PLEKHG6: variants seen among roughly 807,000 people sequenced by gnomAD.
The protein encoded by PLEKHG6 is pleckstrin homology domain-containing family G member 6.
Under a neutral mutation model 97.5 loss-of-function variants are expected in PLEKHG6, and 91 were observed. The observed-to-expected ratio is 0.93, with a 90% CI of 0.79 to 1.11. The LOEUF (loss-of-function observed/expected upper bound fraction) is 1.11. Ranked by LOEUF, PLEKHG6 falls within the 50% of genes most tolerant of loss-of-function variation. PLEKHG6 has a pLI of 0.00. For missense variants in PLEKHG6, 1,044 were observed against 1,031.0 expected, an observed-to-expected ratio of 1.01 and a Z score of -0.17; for synonymous variants, 466 against 425.5, an observed-to-expected ratio of 1.10 and a Z score of -1.17.
Position 6,316,445 on chromosome 12 carries a change from C to T in PLEKHG6, c.756+41C>T, listed in dbSNP as rs774532630. 7.2e-6 allele frequency: 11 copies of T among 1,522,212 alleles called. No homozygotes were observed. The highest frequency in any genetic ancestry group is 1.4e-5 in the African/African-American group (1 of 72,604). 94.3% of individuals were successfully genotyped at this position (1,522,212 alleles called of 1,614,324 possible). On this transcript the variant is annotated intron_variant, in intron 7 of 15. Transcript: ENST00000684764. The surrounding 1 kb of genome is among the most constrained non-coding windows in gnomAD (Gnocchi z 4.1). Reference sequence around the variant, plus strand: ...GGCTGTGTCTGGATGGGGCAGGACTCGGAGCCCTCGGGGGTCCTGTGTGTA... The same window carrying T: ...GGCTGTGTCTGGATGGGGCAGGACTTGGAGCCCTCGGGGGTCCTGTGTGTA...
At chr12:6,328,082 G>C in intron 15 of PLEKHG6, 54 bp from the exon 16 acceptor site, 1 of 1,612,420 alleles carries the variant, frequency 6.2e-7, no homozygotes, top group South Asian at 1.1e-5. Context: ...CTCTTCACCT[G>C]ACCCTCACCC....
At chr12:6,324,967 G>T (rs1301511688) in intron 13 of PLEKHG6, among the ~76,000 whole-genome samples, 2 of 152,174 alleles carry the variant, frequency 1.3e-5, no homozygotes, top group African/African-American at 4.8e-5. Flanking sequence ...TCCCTTAGTT[G>T]CTAGATCATG....
Position 6,316,307 on chromosome 12 carries a change from G to A in PLEKHG6, c.659G>A (p.Arg220Gln), listed in dbSNP as rs148443848. The A allele has an allele frequency of 2.4e-4, 378 of 1,556,716 alleles. No individual in the cohort carries two copies. The African/African-American group carries it at 4.3e-3, about 18-fold the overall frequency. Residue 220 changes from arginine (R) to glutamine (Q), a missense_variant, in exon 7 of 16, where the codon CGG (arginine) becomes CAG (glutamine). Arg to Gln is a conservative substitution (Grantham distance 43, BLOSUM62 1). Coordinates refer to ENST00000684764, the MANE Select transcript of PLEKHG6 (RefSeq NM_001384598.1). This position sits in a 1 kb window ranked among gnomAD's most constrained non-coding sequence, Gnocchi z 4.1. ...GNVPSLIRTH[R>Q]SFWDEVLGPT... is the part of the protein sequence containing the mutation. Reference sequence around the variant, plus strand: ...GTCCCCAGCCTGATTCGAACCCACCGGAGCTTTTGGGATGAGGTGCTGGGG... The same window carrying A: ...GTCCCCAGCCTGATTCGAACCCACCAGAGCTTTTGGGATGAGGTGCTGGGG...
At chr12:6,313,031 G>T in intron 2 of PLEKHG6, 1 of 1,494,494 alleles carries the variant, frequency 6.7e-7, no homozygotes, top group African/African-American at 1.4e-5. Context: ...TAGAAAGTAT[G>T]TGGGGTAATT....
Position 6,316,383 on chromosome 12 carries a change from T to A in PLEKHG6, c.735T>A (p.Gly245=). 1.3e-6 allele frequency: 2 copies of A among 1,573,998 alleles called. No individual in the cohort carries two copies. The highest frequency in any genetic ancestry group is 1.7e-6 in the Non-Finnish European group (2 of 1,159,194). ...RASGQPLDPI[G]LQSGFLTFGQ... ...CGGGCCAGCCTCTGGACCCCATTGG[T>A]CTGCAAAGTGGCTTCCTGACGGTGA... Residue 245 remains glycine (G), a synonymous_variant, in exon 7 of 16, where the codon GGT becomes GGA. Transcript: ENST00000684764. This position sits in a 1 kb window ranked among gnomAD's most constrained non-coding sequence, Gnocchi z 4.1.
At chr12:6,321,921 C>T (rs1400053969) in intron 13 of PLEKHG6, among the ~76,000 whole-genome samples, 1 of 151,684 alleles carries the variant, frequency 6.6e-6, no homozygotes, top group African/African-American at 2.4e-5. Flanking sequence ...CAGGTTCAGA[C>T]ACCGGTCCTA....
intron 11 of PLEKHG6, 106 bp from the exon 12 acceptor site, chr12:6,318,639 C>A: frequency 1.5e-6 from 2 of 1,320,952 alleles, no homozygotes; most frequent in South Asian, 1.3e-5. Context: ...TTGGGCTCTG[C>A]GTGTGTCCCT....
At chr12:6,319,518 G>A in intron 13 of PLEKHG6, 3 of 1,507,402 alleles carry the variant, frequency 2.0e-6, no homozygotes, top group Non-Finnish European at 2.6e-6. Flanking sequence ...AGGGGAGGAG[G>A]AGAGAGGCTG....
At chr12:6,319,315 G>A in intron 13 of PLEKHG6, 1 of 611,648 alleles carries the variant, frequency 1.6e-6, no homozygotes. Context: ...GGGCGTGGTG[G>A]TGTGTGCCTG....
Position 6,316,055 on chromosome 12 carries a change from G to A in PLEKHG6, c.606+136G>A. Reference sequence around the variant, plus strand: ...GATGCCTTGCCCTCCCTACTTCCCTGTTACTGGGGACTCCAAGCAGGCCAC... The same window carrying A: ...GATGCCTTGCCCTCCCTACTTCCCTATTACTGGGGACTCCAAGCAGGCCAC... On this transcript the variant is annotated intron_variant, in intron 6 of 15. Transcript: ENST00000684764. The surrounding 1 kb of genome is among the most constrained non-coding windows in gnomAD (Gnocchi z 4.1). 1.1e-6 allele frequency: 1 copy of A among 935,864 alleles called. No homozygotes were observed. The highest frequency in any genetic ancestry group is 1.6e-6 in the Non-Finnish European group (1 of 629,690). The allele number at this position is 935,864 out of a possible 1,614,324, so 58.0% of individuals were successfully genotyped here.
chr12:6,319,243 T>C (rs1947613103), intron 13 of PLEKHG6, 135 bp downstream of exon 13: 2 of 643,420 alleles, frequency 3.1e-6, no homozygotes, highest in Admixed American at 5.7e-5. Flanking sequence ...AGGTCAGGAG[T>C]TTGAGACCAG....
At position 6,317,336 on chromosome 12, in the gene PLEKHG6, T is replaced by C. The variant is rs150258605; in HGVS notation, c.790T>C (p.Cys264Arg). ...GQRFHPYVQY[C>R]LRVKQTMAYA... ...GCGGTTCCACCCCTATGTCCAGTAC[T>C]GCCTCCGAGTGAAGCAGACCATGGC... The change falls in exon 8 of 16, where the codon TGC (cysteine) becomes CGC (arginine). Residue 264 changes from cysteine to arginine, a missense_variant. Coordinates refer to ENST00000684764, the MANE Select transcript of PLEKHG6 (RefSeq NM_001384598.1). 96 of 1,613,998 alleles carry C rather than the reference T, an allele frequency of 5.9e-5. No individual in the cohort carries two copies. Among genetic ancestry groups the C allele is most frequent in the Non-Finnish European group, 7.0e-5 (83 of 1,179,992 alleles).
At chr12:6,311,431 G>C (rs1947262080) in intron 1 of PLEKHG6, among the ~76,000 whole-genome samples, 1 of 152,182 alleles carries the variant, frequency 6.6e-6, no homozygotes, top group Non-Finnish European at 1.5e-5. Context: ...GTAGGAGATG[G>C]GCAAGCCTTT....
intron 2 of PLEKHG6, chr12:6,313,262 T>A: frequency 7.3e-7 from 1 of 1,368,150 alleles, no homozygotes; most frequent in Non-Finnish European, 1.0e-6. Context: ...GAATGCTGTG[T>A]GCACCACGCC....
chr12:6,322,452 T>C (rs565513617), intron 13 of PLEKHG6, among the ~76,000 whole-genome samples: 1 of 152,346 alleles, frequency 6.6e-6, no homozygotes, highest in East Asian at 1.9e-4. Context: ...CCATCTGCCC[T>C]GTCCCCTGCT....
rs116264695 is a variant in PLEKHG6, at chr12:6,319,762, G to C, written c.1524+654G>C. ...CACTTGCTGAGTACGGCAGGCACTA[G>C]AGCTAGGTGCTAGGGAATCAGAAAA... On this transcript the variant is annotated intron_variant, in intron 13 of 15. Transcript: ENST00000684764. The C allele has an allele frequency of 4.9e-4, 613 of 1,254,034 alleles. No individual in the cohort carries two copies. The African/African-American group carries it at 8.5e-3, about 17-fold the overall frequency. The allele number at this position is 1,254,034 out of a possible 1,614,324, so 77.7% of individuals were successfully genotyped here.
chr12:6,328,066 G>A (rs191162861), intron 15 of PLEKHG6, 70 bp from the exon 16 acceptor site: 107 of 1,603,610 alleles, frequency 6.7e-5, no homozygotes, highest in Non-Finnish European at 7.5e-5. Context: ...AGGGCTCTCC[G>A]CCTCACTCTT....
chr12:6,324,330 C>T lies in PLEKHG6; in HGVS notation c.1525-2098C>T, dbSNP rs912106110. ...GCCTCCTCCAGCCTCTTCCTGGGGT[C>T]GGGCAAGGGGCAAGTTTAGCAGAGA... On this transcript the variant is annotated intron_variant, in intron 13 of 15. Coordinates refer to ENST00000684764, the MANE Select transcript of PLEKHG6 (RefSeq NM_001384598.1). Among the ~76,000 whole-genome samples the T allele has an allele frequency of 1.0e-4, 15 of 143,340 alleles. No individual in the cohort carries two copies. In the South Asian group the frequency reaches 2.7e-3, roughly 25 times the overall value. 94.0% of individuals were successfully genotyped at this position (143,340 alleles called of 152,430 possible).
At chr12:6,318,566 C>T in intron 11 of PLEKHG6, 146 bp downstream of exon 11, 4 of 1,219,290 alleles carry the variant, frequency 3.3e-6, no homozygotes, top group Non-Finnish European at 4.5e-6. Flanking sequence ...CCTGAGCCAG[C>T]CACTTTGCCT....
Sources: allele counts gnomAD v4.1 joint callset (sites outside exome capture counted in the v4.1 genomes callset), GRCh38; gene constraint gnomAD v4.1.1; non-coding constraint Gnocchi (gnomAD v3.1); transcripts MANE v1.5; gene names NCBI Gene and HGNC (gene_info 2026-07-23, HGNC 2026-07-21).